Variants in RIPOR2 observed in about 807,000 individuals in gnomAD.
RIPOR2 encodes the protein rho family-interacting cell polarization regulator 2.
RIPOR2 carries 39 observed loss-of-function variants against 114.5 expected under a neutral mutation model. The observed-to-expected ratio is 0.34, with a 90% CI of 0.26 to 0.44. The LOEUF (loss-of-function observed/expected upper bound fraction) is 0.44, where lower values mean the gene tolerates loss of function less well. Among genes scored for constraint, RIPOR2 ranks in the 20% least tolerant of loss-of-function variants. The probability of loss-of-function intolerance (pLI) is 1.00; values close to 1 mark genes in which losing one functional copy is unlikely to be tolerated. For synonymous variants in RIPOR2, 445 were observed against 484.4 expected, an observed-to-expected ratio of 0.92 and a Z score of 1.07; for missense variants, 1,007 against 1,255.1, an observed-to-expected ratio of 0.80 and a Z score of 2.99.
At chr6:25,023,845 G>C (rs1776459621) in intron 1 of RIPOR2, 1 of 734,416 alleles carries the variant, frequency 1.4e-6, no homozygotes, top group Non-Finnish European at 2.5e-6. Context: ...GGTGTTGGGG[G>C]CTTTGACCGG....
At chr6:24,999,625 G>A (rs926631487) in intron 1 of RIPOR2, among the ~76,000 whole-genome samples, 7 of 149,642 alleles carry the variant, frequency 4.7e-5, no homozygotes, top group East Asian at 2.0e-4. Flanking sequence ...GCATGATCTC[G>A]GCTCACTGCA....
At chr6:25,038,457 G>C (rs1370085821) in intron 1 of RIPOR2, among the ~76,000 whole-genome samples, 1 of 152,196 alleles carries the variant, frequency 6.6e-6, no homozygotes, top group Non-Finnish European at 1.5e-5. Context: ...GATTATCCTG[G>C]GTGGGCCTGA....
chr6:24,823,397 C>T (rs1581491339), intron 19 of RIPOR2, among the ~76,000 whole-genome samples: 1 of 152,192 alleles, frequency 6.6e-6, no homozygotes, highest in African/African-American at 2.4e-5. Flanking sequence ...AAAGTGGGAT[C>T]ATAGCATCGA....
chr6:25,015,605 T>G (rs754573208), intron 1 of RIPOR2: 4 of 152,198 alleles, frequency 2.6e-5, no homozygotes, highest in Non-Finnish European at 4.4e-5. Flanking sequence ...TTCAGTCACT[T>G]TTACCAAATC....
chr6:25,006,249 G>A (rs1283775382), intron 1 of RIPOR2, among the ~76,000 whole-genome samples: 1 of 151,826 alleles, frequency 6.6e-6, no homozygotes. Flanking sequence ...TCATTCATTC[G>A]TTTATTCATT....
Position 24,859,294 on chromosome 6 carries a change from G to A in RIPOR2, c.715+1679C>T, listed in dbSNP as rs1289091181. 7.9e-5 allele frequency among the ~76,000 whole-genome samples: 12 copies of A among 152,146 alleles called. No individual in the cohort carries two copies. The South Asian group carries it at 8.3e-4, about 11-fold the overall frequency. ...GGTGATGTGCATGATTTGAATTACT[G>A]TTAGGCTGCGAGACTCTGCGACTGT... On this transcript the variant is annotated intron_variant, in intron 8 of 21. Coordinates refer to ENST00000643898, the MANE Select transcript of RIPOR2 (RefSeq NM_001286445.3).
chr6:25,010,378 C>T (rs1478344796), intron 1 of RIPOR2, among the ~76,000 whole-genome samples: 1 of 152,132 alleles, frequency 6.6e-6, no homozygotes, highest in Non-Finnish European at 1.5e-5. Context: ...CTTCACCTCC[C>T]GCCTTGAGTG....
chr6:24,912,709 G>A (rs1335076962), intron 1 of RIPOR2, among the ~76,000 whole-genome samples: 3 of 152,152 alleles, frequency 2.0e-5, no homozygotes, highest in African/African-American at 7.2e-5. Context: ...CTCATAGGAC[G>A]AATCTGGAGG....
intron 1 of RIPOR2, among the ~76,000 whole-genome samples, chr6:24,993,381 G>A (rs541047892): frequency 6.6e-6 from 1 of 152,206 alleles, no homozygotes; most frequent in African/African-American, 2.4e-5. Flanking sequence ...AATATGTTTT[G>A]TCTGAAATTA....
At chr6:24,879,212 C>T (rs1020946167) in intron 1 of RIPOR2, among the ~76,000 whole-genome samples, 5 of 151,978 alleles carry the variant, frequency 3.3e-5, no homozygotes, top group Admixed American at 6.6e-5. Context: ...TGGTGGCTGG[C>T]GCCTGTAATC....
chr6:24,925,175 G>A (rs1349552625), intron 1 of RIPOR2, among the ~76,000 whole-genome samples: 2 of 152,220 alleles, frequency 1.3e-5, no homozygotes, highest in African/African-American at 4.8e-5. Context: ...CCTAGACCAA[G>A]AGCAGTGCAG....
chr6:25,023,682 T>A, intron 1 of RIPOR2: 1 of 763,332 alleles, frequency 1.3e-6, no homozygotes, highest in South Asian at 1.3e-5. Flanking sequence ...GTGAAGCGGT[T>A]CTCCACGATG....
intron 1 of RIPOR2, among the ~76,000 whole-genome samples, chr6:24,876,245 G>A (rs1375675639): frequency 2.0e-5 from 3 of 151,688 alleles, no homozygotes; most frequent in African/African-American, 4.8e-5. Context: ...AGCCGAGATC[G>A]CCCCACTACA....
chr6:24,969,445 T>C (rs996706567), intron 1 of RIPOR2, among the ~76,000 whole-genome samples: 2 of 152,370 alleles, frequency 1.3e-5, no homozygotes, highest in African/African-American at 4.8e-5. Flanking sequence ...TTCTCCATTC[T>C]GGTTGCATAT....
intron 1 of RIPOR2, among the ~76,000 whole-genome samples, chr6:24,945,147 A>G (rs1325299947): frequency 6.6e-6 from 1 of 152,114 alleles, no homozygotes; most frequent in Non-Finnish European, 1.5e-5. Context: ...CCATATATCA[A>G]TTAAAAAAAA....
chr6:24,953,151 T>C (rs965348324), intron 1 of RIPOR2, among the ~76,000 whole-genome samples: 11 of 152,120 alleles, frequency 7.2e-5, no homozygotes, highest in African/African-American at 2.2e-4. Flanking sequence ...CTGACCAACA[T>C]GGAGAAACCC....
intron 4 of RIPOR2, among the ~76,000 whole-genome samples, chr6:24,871,765 C>G (rs953786449): frequency 4.6e-5 from 7 of 152,180 alleles, no homozygotes; most frequent in African/African-American, 1.7e-4. Flanking sequence ...TCCTCATATC[C>G]TCTAATTGAA....
At chr6:24,838,994 C>T in intron 14 of RIPOR2, 97 bp downstream of exon 14, 1 of 1,027,818 alleles carries the variant, frequency 9.7e-7, no homozygotes, top group Non-Finnish European at 1.4e-6. Flanking sequence ...GTTTTATCTT[C>T]CTGGAAATGT....
intron 1 of RIPOR2, among the ~76,000 whole-genome samples, chr6:24,998,584 C>T (rs1775149617): frequency 6.6e-6 from 1 of 152,184 alleles, no homozygotes; most frequent in Non-Finnish European, 1.5e-5. Context: ...AGCCTTTCAA[C>T]GTCTCTCCAT....
Sources: gnomAD v4.1 joint callset for allele counts (sites outside exome capture counted in the v4.1 genomes callset) on GRCh38, gnomAD v4.1.1 for gene constraint, MANE v1.5 for transcripts, NCBI Gene and HGNC (gene_info 2026-07-23, HGNC 2026-07-21) for gene names.